The following NPHP4 variants were observed in gnomAD, a reference collection of about 807,000 sequenced individuals.
NPHP4 encodes nephrocystin-4.
In NPHP4, 151 loss-of-function variants were observed where a neutral mutation model predicts 155.8. That is an observed-to-expected ratio of 0.97 (90% CI 0.85 to 1.11). The LOEUF (loss-of-function observed/expected upper bound fraction) is 1.11, where lower values mean the gene tolerates loss of function less well. Among genes scored for constraint, NPHP4 ranks in the 50% least tolerant of loss-of-function variants. The probability of loss-of-function intolerance (pLI) is 0.00; values close to 1 mark genes in which losing one functional copy is unlikely to be tolerated. For missense variants in NPHP4, 1,956 were observed against 1,925.7 expected (o/e 1.02, Z -0.29); for synonymous variants, 845 against 816.8 (o/e 1.03, Z -0.59).
chr1:5,872,247 G>A (rs1006654981), intron 23 of NPHP4, among the ~76,000 whole-genome samples: 2 of 152,150 alleles, frequency 1.3e-5, no homozygotes, highest in Non-Finnish European at 2.9e-5. Context: ...CAGAAACCTC[G>A]ACCTCTGGGC....
In NPHP4 at chr1:5,867,076, T is replaced by G. The variant is rs1036719782; in HGVS notation, c.3512A>C (p.His1171Pro). 4 of 1,613,048 alleles carry G rather than the reference T, an allele frequency of 2.5e-6. No homozygotes were observed. In the African/African-American group the frequency reaches 5.3e-5, roughly 22 times the overall value. The change falls in exon 25 of 30, where the codon CAT (histidine) becomes CCT (proline). Residue 1171 changes from histidine to proline, a missense_variant. His to Pro is a moderately conservative substitution (Grantham distance 77). Coordinates refer to ENST00000378156, the MANE Select transcript of NPHP4 (RefSeq NM_015102.5). This position sits in a 1 kb window ranked among gnomAD's most constrained non-coding sequence, Gnocchi z 4.1. The part of the protein sequence containing the change: ...VGMLGEDPPV[H>P]VRCSDPNVIC... ...GACGTTCGGGTCGCTGCAGCGAACA[T>G]GGACTGGGGGGTCCTCACCAAGCAT...
intron 12 of NPHP4, among the ~76,000 whole-genome samples, chr1:5,908,278 G>T (rs1645011153): frequency 6.6e-6 from 1 of 152,236 alleles, no homozygotes; most frequent in Non-Finnish European, 1.5e-5. Context: ...GGCCAGCAGG[G>T]AAGCCTGGGA....
At chr1:5,984,274 T>C (rs1287503610) in intron 2 of NPHP4, among the ~76,000 whole-genome samples, 1 of 152,224 alleles carries the variant, frequency 6.6e-6, no homozygotes, top group Non-Finnish European at 1.5e-5. Context: ...TGGCTACACC[T>C]GTAATCCCAG....
At chr1:5,941,409 T>C (rs1358725000) in intron 9 of NPHP4, among the ~76,000 whole-genome samples, 5 of 147,720 alleles carry the variant, frequency 3.4e-5, no homozygotes, top group African/African-American at 5.0e-5. Flanking sequence ...AAAATCCAGA[T>C]ACAATAAAAG....
intron 1 of NPHP4, among the ~76,000 whole-genome samples, chr1:5,991,887 C>G (rs1203613072): frequency 7.0e-6 from 1 of 143,576 alleles, no homozygotes; most frequent in Non-Finnish European, 1.5e-5. Flanking sequence ...AACATCGGTA[C>G]CGCGCTCCCT....
intron 1 of NPHP4, among the ~76,000 whole-genome samples, chr1:5,990,424 A>G (rs1190788791): frequency 1.3e-5 from 2 of 152,102 alleles, no homozygotes; most frequent in African/African-American, 2.4e-5. Flanking sequence ...ACCCAAGAAA[A>G]GGGTACAGTG....
intron 16 of NPHP4, among the ~76,000 whole-genome samples, chr1:5,893,543 C>T (rs558881511): frequency 2.0e-5 from 3 of 152,322 alleles, no homozygotes; most frequent in African/African-American, 7.2e-5. Context: ...ACTAATTTTG[C>T]TCCTGCTATC....
rs557822371 is a variant in NPHP4 at position 5,974,732 on chromosome 1, T to C, written c.279+3538A>G. Among the ~76,000 whole-genome samples the C allele has an allele frequency of 2.6e-5, 4 of 150,962 alleles. No individual in the cohort carries two copies. In the South Asian group the frequency reaches 6.3e-4, roughly 24 times the overall value. ...CAGCTCTGGATCAAGACAAGCCTTC[T>C]GTGTTCCAAGTCTCTTTCAGGACAT... On this transcript the variant is annotated intron_variant, in intron 3 of 29. Coordinates refer to ENST00000378156, the MANE Select transcript of NPHP4 (RefSeq NM_015102.5).
chr1:5,982,750 TTAC>T (rs1654910126), intron 2 of NPHP4, among the ~76,000 whole-genome samples: 1 of 152,254 alleles, frequency 6.6e-6, no homozygotes, highest in Non-Finnish European at 1.5e-5. Context: ...TTTTCTTCCA[TTAC>T]TCAGTTCAAA....
chr1:5,870,693 C>T (rs1394000306), intron 23 of NPHP4, among the ~76,000 whole-genome samples: 1 of 152,230 alleles, frequency 6.6e-6, no homozygotes, highest in Non-Finnish European at 1.5e-5. Context: ...TCGCCAGTAA[C>T]AGGACAAAGC....
At chr1:5,945,491 C>T (rs1647042216) in intron 9 of NPHP4, among the ~76,000 whole-genome samples, 1 of 152,206 alleles carries the variant, frequency 6.6e-6, no homozygotes, top group Non-Finnish European at 1.5e-5. Flanking sequence ...ATTTCTGCAC[C>T]TAATTAGGAC....
At chr1:5,965,405 G>A (rs191356658) in intron 5 of NPHP4, among the ~76,000 whole-genome samples, 176 of 152,288 alleles carry the variant, frequency 1.2e-3, no homozygotes, top group African/African-American at 3.9e-3. Flanking sequence ...GACTGTGGAC[G>A]TGGAGCGAAT....
intron 16 of NPHP4, 25 bp from the exon 17 acceptor site, chr1:5,891,053 C>T (rs755585581): frequency 6.8e-6 from 10 of 1,468,186 alleles, no homozygotes; most frequent in Non-Finnish European, 9.1e-6. Context: ...CCAAAGGAGG[C>T]CAAAAGTAAT....
Position 5,882,021 on chromosome 1 carries a change from G to A in NPHP4, c.2486-1782C>T, listed in dbSNP as rs1643331134. The A allele has an allele frequency of 6.6e-6, 1 of 152,288 alleles. No individual in the cohort carries two copies. Among genetic ancestry groups the A allele is most frequent in the South Asian group, 2.1e-4 (1 of 4,834 alleles). The allele number at this position is 152,288 out of a possible 1,614,324, so 9.4% of individuals were successfully genotyped here. A position where few individuals can be genotyped will look rare whatever the true frequency, so the allele number is the denominator to read the frequency against. On this transcript the variant is annotated intron_variant, in intron 18 of 29. Coordinates refer to ENST00000378156, the MANE Select transcript of NPHP4 (RefSeq NM_015102.5). The surrounding 1 kb of genome is among the most constrained non-coding windows in gnomAD (Gnocchi z 5.1). ...AAAGCTCACTCTGGGCAGCTGTAGG[G>A]TCAAGCCGCCTGCTCACCTGTGCTG...
intron 18 of NPHP4, among the ~76,000 whole-genome samples, chr1:5,885,312 TCTACAACCAAGATCA>T (rs1051080307): frequency 7.1e-6 from 1 of 141,322 alleles, no homozygotes; most frequent in Non-Finnish European, 1.5e-5. Context: ...CCCGTCCTAC[TCTACAACCAAGATCA>T]CTGCCCAAGC....
At chr1:5,885,630 G>A (rs1378186126) in intron 18 of NPHP4, among the ~76,000 whole-genome samples, 4 of 152,202 alleles carry the variant, frequency 2.6e-5, no homozygotes, top group South Asian at 2.1e-4. Context: ...GTTTCCTTGC[G>A]TGGCCTCAGA....
intron 11 of NPHP4, among the ~76,000 whole-genome samples, chr1:5,911,361 C>T (rs911626174): frequency 1.3e-5 from 2 of 152,184 alleles, no homozygotes; most frequent in Admixed American, 1.3e-4. Flanking sequence ...CGGAAAACTC[C>T]GCAGGCTGAT....
At chr1:5,963,689 CT>C (rs57131022) in intron 5 of NPHP4, among the ~76,000 whole-genome samples, 64,210 of 122,622 alleles carry the variant, frequency 0.52, 15,356 homozygotes, top group East Asian at 0.77. Context: ...CTTTTCTTTT[CT>C]TTTTTTTTTT....
rs557447923 is a variant in NPHP4, at chr1:5,863,704, T to G, written c.4140+186A>C. On this transcript the variant is annotated intron_variant, in intron 29 of 29. Transcript: ENST00000378156. The stretch of plus-strand genomic sequence containing the variant: ...CCTTTCCCACACTCAGGAGAAACTT[T>G]GCTAAATCTCCAGCTACTAAAGATA... 594 of 660,236 alleles carry G rather than the reference T, an allele frequency of 9.0e-4. 1 individual carries two copies. Among genetic ancestry groups the G allele is most frequent in the Non-Finnish European group, 1.5e-3 (560 of 380,570 alleles). 40.9% of individuals were successfully genotyped at this position (660,236 alleles called of 1,614,324 possible). A position where few individuals can be genotyped will look rare whatever the true frequency, so the allele number is the denominator to read the frequency against.
Sources: gnomAD v4.1 joint callset for allele counts (sites outside exome capture counted in the v4.1 genomes callset) on GRCh38, gnomAD v4.1.1 for gene constraint, Gnocchi (gnomAD v3.1) non-coding constraint, MANE v1.5 for transcripts, NCBI Gene and HGNC (gene_info 2026-07-23, HGNC 2026-07-21) for gene names.